PRDM14: variants seen among roughly 807,000 people sequenced by gnomAD.
PRDM14 encodes the protein PR/SET domain 14, also known as PR domain zinc finger protein 14.
In PRDM14, 16 loss-of-function variants were observed where a neutral mutation model predicts 48.0. The ratio of observed to expected loss-of-function variants is 0.33; its 90% CI spans 0.23 to 0.51. PRDM14 has a LOEUF of 0.51. Ranked by LOEUF, PRDM14 falls within the 20% of genes least tolerant of loss-of-function variation. The pLI, the probability that PRDM14 is intolerant of heterozygous loss-of-function variation, is 0.97. For synonymous variants in PRDM14, 264 were observed against 276.6 expected (o/e 0.95, Z 0.45); for missense variants, 566 against 719.6 (o/e 0.79, Z 2.44).
At chr8:70,057,772 C>A (rs1403772363) in intron 6 of PRDM14, among the ~76,000 whole-genome samples, 2 of 152,132 alleles carry the variant, frequency 1.3e-5, no homozygotes, top group Non-Finnish European at 2.9e-5. Context: ...ATTTTTAAAT[C>A]CTTTTAGAAT....
In PRDM14 at chr8:70,060,181, G is replaced by A. The variant is rs371237756; in HGVS notation, c.1184-1339C>T. 7.9e-5 allele frequency among the ~76,000 whole-genome samples: 12 copies of A among 151,516 alleles called. No individual in the cohort carries two copies. The East Asian group carries it at 1.7e-3, about 22-fold the overall frequency. ...TCTGGGAAGCTGAAGTGGACAGATC[G>A]CTTGAGCCCAGGAGTTTGAGACCAG... is the stretch of plus-strand genomic sequence containing the variant. On this transcript the variant is annotated intron_variant, in intron 5 of 7. Transcript: ENST00000276594.
In PRDM14 at chr8:70,051,940, T is replaced by G; in HGVS notation, c.*137A>C. ...GCATGTGCCACCACCCCCAGCTGAT[T>G]TTTGTATTTTTTTGGTAGAGACAGG... On this transcript the variant is annotated 3_prime_UTR_variant, in exon 8 of 8. Transcript: ENST00000276594. 1.7e-6 allele frequency: 1 copy of G among 596,960 alleles called. No homozygotes were observed. The highest frequency in any genetic ancestry group is 2.9e-6 in the Non-Finnish European group (1 of 345,690). 37.0% of individuals were successfully genotyped at this position (596,960 alleles called of 1,614,324 possible). A position where few individuals can be genotyped will look rare whatever the true frequency, so the allele number is the denominator to read the frequency against.
intron 5 of PRDM14, among the ~76,000 whole-genome samples, chr8:70,063,559 T>C (rs1805619070): frequency 6.6e-6 from 1 of 152,148 alleles, no homozygotes; most frequent in African/African-American, 2.4e-5. Flanking sequence ...AGTCTCACTC[T>C]GTCACCCAGG....
At chr8:70,060,111 C>G (rs1192859688) in intron 5 of PRDM14, among the ~76,000 whole-genome samples, 5 of 118,044 alleles carry the variant, frequency 4.2e-5, no homozygotes, top group Admixed American at 3.4e-4. Flanking sequence ...AAAAAAAAAG[C>G]ATAATTGTGC....
chr8:70,055,488 G>A, intron 6 of PRDM14, 87 bp from the exon 7 acceptor site: 1 of 702,754 alleles, frequency 1.4e-6, no homozygotes. Context: ...GGTTAGAGAA[G>A]AACTCTTTTC....
intron 7 of PRDM14, among the ~76,000 whole-genome samples, chr8:70,053,473 C>T (rs1805421956): frequency 6.6e-6 from 1 of 152,136 alleles, no homozygotes; most frequent in Non-Finnish European, 1.5e-5. Context: ...TCACTGCAAC[C>T]TCCACCTCCC....
chr8:70,059,642 T>C (rs1454808630), intron 5 of PRDM14, among the ~76,000 whole-genome samples: 1 of 152,302 alleles, frequency 6.6e-6, no homozygotes, highest in East Asian at 1.9e-4. Context: ...AATAGTGTAA[T>C]AAACCCTCAT....
chr8:70,069,050 TC>T lies in PRDM14; in HGVS notation c.700+110del, dbSNP rs966651877. The T allele has an allele frequency of 1.5e-5, 13 of 839,136 alleles. No individual in the cohort carries two copies. The African/African-American group carries it at 2.1e-4, about 13-fold the overall frequency. 52.0% of individuals were successfully genotyped at this position (839,136 alleles called of 1,614,324 possible). On this transcript the variant is annotated intron_variant, in intron 2 of 7. Transcript: ENST00000276594. ...GGCTCTCATGGAGGTACTTCCCCCT[TC>T]CCGCACTCTGCAGCCTCAGCTCCAC...
intron 5 of PRDM14, among the ~76,000 whole-genome samples, chr8:70,065,789 T>TA (rs1263613146): frequency 3.3e-5 from 5 of 149,616 alleles, no homozygotes; most frequent in Non-Finnish European, 7.4e-5. Context: ...TTTTTTTTTT[T>TA]AATGTGGGTC....
rs773349589 is a variant in PRDM14, at chr8:70,069,841, C to T, written c.20G>A (p.Ser7Asn). The change falls in exon 2 of 8, where the codon AGT becomes AAT. Residue 7 changes from serine (S) to asparagine (N), a missense_variant. Ser to Asn is a conservative substitution (Grantham distance 46). Coordinates refer to ENST00000276594, the MANE Select transcript of PRDM14 (RefSeq NM_024504.4). MALPRP[S>N]EAVPQDKVCY... ...CACCTTGTCCTGAGGCACGGCCTCA[C>T]TTGGCCGGGGTAGAGCCATCCCGGG... The T allele has an allele frequency of 1.2e-6, 2 of 1,604,170 alleles. No individual in the cohort carries two copies. Among genetic ancestry groups the T allele is most frequent in the African/African-American group, 2.7e-5 (2 of 74,806 alleles).
At chr8:70,056,197 C>A (rs1329115975) in intron 6 of PRDM14, among the ~76,000 whole-genome samples, 1 of 152,144 alleles carries the variant, frequency 6.6e-6, no homozygotes. Flanking sequence ...TTTGTTCACA[C>A]GCTGTGAATA....
In PRDM14 at chr8:70,055,225, C is replaced by T. The variant is rs186918417; in HGVS notation, c.1488+75G>A. The T allele has an allele frequency of 1.2e-4, 97 of 800,616 alleles. 2 individuals carry two copies. The highest frequency in any genetic ancestry group is 7.8e-4 in the South Asian group (44 of 56,644). The allele number at this position is 800,616 out of a possible 1,614,324, so 49.6% of individuals were successfully genotyped here. On this transcript the variant is annotated intron_variant, in intron 7 of 7. Coordinates refer to ENST00000276594, the MANE Select transcript of PRDM14 (RefSeq NM_024504.4). Reference sequence around the variant, plus strand: ...TTTACCAAGAACTCATTAAGCCAGGCTTTGTTTCAAGTTCTTATCCATAGA... The same window carrying T: ...TTTACCAAGAACTCATTAAGCCAGGTTTTGTTTCAAGTTCTTATCCATAGA...
At chr8:70,058,942 T>C in intron 5 of PRDM14, 100 bp from the exon 6 acceptor site, 1 of 1,043,118 alleles carries the variant, frequency 9.6e-7, no homozygotes, top group South Asian at 1.7e-5. Context: ...CAAGAATTCT[T>C]TGGCTACTTC....
chr8:70,069,965 C>T, intron 1 of PRDM14, 81 bp from the exon 2 acceptor site: 1 of 771,244 alleles, frequency 1.3e-6, no homozygotes, highest in South Asian at 1.8e-5. Context: ...CAGCCTCCTC[C>T]ACCCCAGCCA....
At chr8:70,055,609 G>T (rs1195819719) in intron 6 of PRDM14, among the ~76,000 whole-genome samples, 2 of 151,392 alleles carry the variant, frequency 1.3e-5, no homozygotes, top group African/African-American at 4.9e-5. Context: ...AGGCTCAAGC[G>T]ATCCTCCCAC....
chr8:70,052,426 GC>G, intron 7 of PRDM14, 122 bp from the exon 8 acceptor site: 1 of 695,320 alleles, frequency 1.4e-6, no homozygotes, highest in Non-Finnish European at 2.4e-6. Context: ...GGGTTTTAAG[GC>G]CATAGAGCAC....
intron 7 of PRDM14, among the ~76,000 whole-genome samples, chr8:70,054,984 G>A (rs1222069392): frequency 1.3e-5 from 2 of 152,096 alleles, no homozygotes; most frequent in African/African-American, 4.8e-5. Flanking sequence ...ACCGATGCAT[G>A]GAAAATTTGA....
Position 70,068,280 on chromosome 8 carries a change from C to G in PRDM14, c.862G>C (p.Val288Leu). 1 of 1,614,196 alleles carries G rather than the reference C, an allele frequency of 6.2e-7. No homozygotes were observed. Among genetic ancestry groups the G allele is most frequent in the African/African-American group, 1.3e-5 (1 of 75,052 alleles). Residue 288 changes from valine to leucine, a missense_variant, in exon 4 of 8, where the codon GTC (valine) becomes CTC (leucine). Physicochemically the swap from Val to Leu is conservative, Grantham distance 32. This residue lies in a region of PRDM14 where 410 missense variants were observed against 424.6 expected (regional missense o/e 0.97). Coordinates refer to ENST00000276594, the MANE Select transcript of PRDM14 (RefSeq NM_024504.4). ...VRFGPFQGKV[V>L]NASEVKTYGD... ...TAGGTCTTCACTTCACTGGCATTGA[C>G]CACTTTACCTTGAAAGGGCCCAAAC...
rs987241058 is a variant in PRDM14, at chr8:70,069,223, A to G, written c.638T>C (p.Leu213Pro). 1.9e-6 allele frequency: 3 copies of G among 1,574,918 alleles called. No homozygotes were observed. Among genetic ancestry groups the G allele is most frequent in the African/African-American group, 1.3e-5 (1 of 74,112 alleles). Reference sequence around the variant, plus strand: ...ATGGTGCAGGCTGGCTGGGTGCTCCAGGCTGGGAGTGACCCCGTACAGAAC... The same window carrying G: ...ATGGTGCAGGCTGGCTGGGTGCTCCGGGCTGGGAGTGACCCCGTACAGAAC... Reference protein sequence around the residue: ...HFVLYGVTPSLEHPASLHHAI... With the variant: ...HFVLYGVTPSPEHPASLHHAI... Residue 213 changes from leucine (L) to proline (P), a missense_variant, in exon 2 of 8, where the codon CTG (leucine) becomes CCG (proline). This residue lies in a region of PRDM14 where 410 missense variants were observed against 424.6 expected (regional missense o/e 0.97). Transcript: ENST00000276594.
Sources: gnomAD v4.1 joint callset for allele counts (sites outside exome capture counted in the v4.1 genomes callset) on GRCh38, gnomAD v4.1.1 for gene constraint, gnomAD v4.1.1 regional missense constraint, MANE v1.5 for transcripts, NCBI Gene and HGNC (gene_info 2026-07-23, HGNC 2026-07-21) for gene names.